Variants in ANKRD17 observed in about 807,000 individuals in gnomAD.
The protein encoded by ANKRD17 is ankyrin repeat domain-containing protein 17.
A neutral mutation model predicts 229.7 loss-of-function variants in ANKRD17; 19 were observed. The observed-to-expected ratio is 0.08, with a 90% CI of 0.06 to 0.12. The LOEUF (loss-of-function observed/expected upper bound fraction) is 0.12, where lower values mean the gene tolerates loss of function less well. Among genes scored for constraint, ANKRD17 ranks in the 10% least tolerant of loss-of-function variants. ANKRD17 has a pLI of 1.00. For synonymous variants in ANKRD17, 1,112 were observed against 1,146.1 expected (o/e 0.97, Z 0.60); for missense variants, 2,176 against 3,176.8 (o/e 0.68, Z 7.57).
At chr4:73,204,375 AAAAAG>A (rs1378596760) in intron 1 of ANKRD17, among the ~76,000 whole-genome samples, 120 of 150,140 alleles carry the variant, frequency 8.0e-4, no homozygotes, top group Non-Finnish European at 1.0e-3. Context: ...AAAAAAAAAA[AAAAAG>A]AAAAGAAAAG....
chr4:73,118,025 A>T (rs989079132), intron 22 of ANKRD17, among the ~76,000 whole-genome samples: 1 of 151,754 alleles, frequency 6.6e-6, no homozygotes. Flanking sequence ...ATGAAAACAA[A>T]TTTTTTTTGA....
In ANKRD17 at chr4:73,113,144, C is replaced by T. The variant is rs569903633; in HGVS notation, c.4401+648G>A. The T allele has an allele frequency of 6.4e-6, 8 of 1,241,016 alleles. No homozygotes were observed. The East Asian group carries it at 2.9e-4, about 44-fold the overall frequency. 76.9% of individuals were successfully genotyped at this position (1,241,016 alleles called of 1,614,324 possible). Reference sequence around the variant, plus strand: ...AGTTCCATAATATTCAATGCCAAACCAATTATTTTCCTATGATTACTATTC... The same window carrying T: ...AGTTCCATAATATTCAATGCCAAACTAATTATTTTCCTATGATTACTATTC... On this transcript the variant is annotated intron_variant, in intron 24 of 33. Transcript: ENST00000358602.
chr4:73,155,357 T>A (rs1731528735), intron 5 of ANKRD17, among the ~76,000 whole-genome samples: 1 of 152,190 alleles, frequency 6.6e-6, no homozygotes, highest in African/African-American at 2.4e-5. Flanking sequence ...CCCACACCTC[T>A]CAATTTCCAA....
At position 73,091,779 on chromosome 4, in the gene ANKRD17, C is replaced by T. The variant is rs750150994; in HGVS notation, c.5849G>A (p.Ser1950Asn). 10 of 1,614,182 alleles carry T rather than the reference C, an allele frequency of 6.2e-6. No homozygotes were observed. The highest frequency in any genetic ancestry group is 7.6e-6 in the Non-Finnish European group (9 of 1,180,042). Reference protein sequence around the residue: ...SPKPHMVPRHSNQNSSGSQVN... With the variant: ...SPKPHMVPRHNNQNSSGSQVN... ...CTGAGAACCACTGCTATTCTGATTGCTATGGCGAGGCACCATGTGAGGCTT... is the reference window on the plus strand; with the variant it reads ...CTGAGAACCACTGCTATTCTGATTGTTATGGCGAGGCACCATGTGAGGCTT... Residue 1950 changes from serine (S) to asparagine (N), a missense_variant, in exon 29 of 34, where the codon AGC becomes AAC. By Grantham distance (46) the Ser-to-Asn change is conservative (BLOSUM62 1). Coordinates refer to ENST00000358602, the MANE Select transcript of ANKRD17 (RefSeq NM_032217.5).
intron 1 of ANKRD17, among the ~76,000 whole-genome samples, chr4:73,219,422 T>C (rs1430738097): frequency 2.6e-5 from 4 of 152,226 alleles, no homozygotes; most frequent in Non-Finnish European, 5.9e-5. Context: ...AAATAGCAAG[T>C]GGATTTCCCT....
intron 24 of ANKRD17, 129 bp downstream of exon 24, chr4:73,113,663 A>C: frequency 1.2e-6 from 1 of 801,162 alleles, no homozygotes; most frequent in South Asian, 1.7e-5. Context: ...TTTGAGCCAA[A>C]TGTAGAAAGA....
chr4:73,171,317 G>A (rs1734011188), intron 2 of ANKRD17, among the ~76,000 whole-genome samples: 1 of 152,040 alleles, frequency 6.6e-6, no homozygotes, highest in Non-Finnish European at 1.5e-5. Context: ...AAACCACCAA[G>A]GTGGTACCTC....
chr4:73,142,724 T>C lies in ANKRD17; in HGVS notation c.2001A>G (p.Val667=), dbSNP rs764207626. 4 of 1,613,852 alleles carry C rather than the reference T, an allele frequency of 2.5e-6. No individual in the cohort carries two copies. Among genetic ancestry groups the C allele is most frequent in the Non-Finnish European group, 1.7e-6 (2 of 1,179,916 alleles). Residue 667 remains valine (V), a synonymous_variant, in exon 12 of 34, where the codon GTA becomes GTG. Coordinates refer to ENST00000358602, the MANE Select transcript of ANKRD17 (RefSeq NM_032217.5). ...GACCCCCTGCACAAGCCAGGGACAG[T>C]ACAGTATGGTCATTATTAGCTGTGG... is the stretch of plus-strand genomic sequence containing the variant. ...NRTTANNDHT[V]LSLACAGGHL... is the part of the protein sequence containing the mutation.
chr4:73,153,220 G>T (rs1731229796), intron 6 of ANKRD17, among the ~76,000 whole-genome samples: 1 of 152,078 alleles, frequency 6.6e-6, no homozygotes, highest in African/African-American at 2.4e-5. Context: ...AAGAATTTAT[G>T]ACGTAAATAA....
chr4:73,127,851 C>G (rs1017796811), intron 16 of ANKRD17, among the ~76,000 whole-genome samples: 38 of 152,096 alleles, frequency 2.5e-4, no homozygotes, highest in Non-Finnish European at 4.4e-5. Context: ...AATAACTCTA[C>G]AGACCAAATT....
At chr4:73,106,665 T>C (rs888522053) in intron 24 of ANKRD17, among the ~76,000 whole-genome samples, 1 of 151,942 alleles carries the variant, frequency 6.6e-6, no homozygotes, top group Non-Finnish European at 1.5e-5. Flanking sequence ...CAGATCACGA[T>C]GTCAAGAGAT....
chr4:73,171,927 CA>C (rs1258207285), intron 2 of ANKRD17, among the ~76,000 whole-genome samples: 2 of 152,016 alleles, frequency 1.3e-5, no homozygotes, highest in Non-Finnish European at 2.9e-5. Context: ...ATCCAGAAAA[CA>C]GCCTCAAAAT....
intron 1 of ANKRD17, among the ~76,000 whole-genome samples, chr4:73,242,453 G>C (rs1219999130): frequency 6.6e-6 from 1 of 152,034 alleles, no homozygotes; most frequent in Non-Finnish European, 1.5e-5. Flanking sequence ...TTTTATTAAA[G>C]ACAGATGAAG....
At chr4:73,225,942 C>T (rs1179255891) in intron 1 of ANKRD17, among the ~76,000 whole-genome samples, 1 of 149,418 alleles carries the variant, frequency 6.7e-6, no homozygotes, top group African/African-American at 2.5e-5. Context: ...ATACCTAGAG[C>T]CAGCACTCTG....
intron 16 of ANKRD17, among the ~76,000 whole-genome samples, chr4:73,128,952 T>C (rs545384345): frequency 6.6e-6 from 1 of 152,266 alleles, no homozygotes; most frequent in African/African-American, 2.4e-5. Flanking sequence ...CTGCTAATCA[T>C]GGAAATAATT....
intron 12 of ANKRD17, 106 bp from the exon 13 acceptor site, chr4:73,142,491 T>G: frequency 6.4e-7 from 1 of 1,565,832 alleles, no homozygotes; most frequent in Non-Finnish European, 8.7e-7. Context: ...ATTAAAATCA[T>G]AGGTTTGGTA....
At chr4:73,076,332 C>G (rs1720998595) in intron 33 of ANKRD17, 42 bp from the exon 34 acceptor site, 1 of 1,406,318 alleles carries the variant, frequency 7.1e-7, no homozygotes, top group Non-Finnish European at 9.5e-7. Flanking sequence ...ATATATCTAG[C>G]ATATATTTTA....
chr4:73,087,250 TTTTTTATTTATTTTTG>T, intron 29 of ANKRD17, among the ~76,000 whole-genome samples: 1 of 151,762 alleles, frequency 6.6e-6, no homozygotes, highest in Non-Finnish European at 1.5e-5. Context: ...CACACCCAGC[TTTTTTATTTATTTTTG>T]TAGAGGCAAG....
chr4:73,239,329 G>A (rs989239696), intron 1 of ANKRD17, among the ~76,000 whole-genome samples: 2 of 152,094 alleles, frequency 1.3e-5, no homozygotes, highest in South Asian at 2.1e-4. Flanking sequence ...CCACAATACA[G>A]AAACAATATC....
Sources: gnomAD v4.1 joint callset for allele counts (sites outside exome capture counted in the v4.1 genomes callset) on GRCh38, gnomAD v4.1.1 for gene constraint, MANE v1.5 for transcripts, NCBI Gene and HGNC (gene_info 2026-07-23, HGNC 2026-07-21) for gene names.